GRB14: variants seen among roughly 807,000 people sequenced by gnomAD.
The protein encoded by GRB14 is growth factor receptor bound protein 14, also known as growth factor receptor-bound protein 14.
A neutral mutation model predicts 69.1 loss-of-function variants in GRB14; 38 were observed. The observed-to-expected ratio is 0.55, with a 90% CI of 0.42 to 0.72. The LOEUF (loss-of-function observed/expected upper bound fraction) is 0.72, where lower values mean the gene tolerates loss of function less well. Ranked by LOEUF, GRB14 falls within the 30% of genes least tolerant of loss-of-function variation. The pLI is 0.00. For missense variants in GRB14, 666 were observed against 666.1 expected, an observed-to-expected ratio of 1.00 and a Z score of 0.00; for synonymous variants, 247 against 241.3, an observed-to-expected ratio of 1.02 and a Z score of -0.22.
chr2:164,545,645 T>C (rs563209108), intron 3 of GRB14, among the ~76,000 whole-genome samples: 5 of 152,340 alleles, frequency 3.3e-5, no homozygotes, highest in African/African-American at 1.2e-4. Flanking sequence ...TCTGTTGCTT[T>C]AAGACGAGTT....
At chr2:164,580,134 G>A (rs546215371) in intron 2 of GRB14, among the ~76,000 whole-genome samples, 10 of 146,850 alleles carry the variant, frequency 6.8e-5, no homozygotes, top group East Asian at 2.1e-4. Context: ...TTGCTCTGTC[G>A]CCCAGGCTGG....
At chr2:164,495,128 G>A (rs1222997475) in intron 12 of GRB14, among the ~76,000 whole-genome samples, 2 of 152,010 alleles carry the variant, frequency 1.3e-5, no homozygotes, top group Non-Finnish European at 2.9e-5. Flanking sequence ...TTTTAGCAGA[G>A]ACAGGGTTTC....
intron 2 of GRB14, among the ~76,000 whole-genome samples, chr2:164,563,460 A>G (rs1194162243): frequency 2.6e-5 from 4 of 152,114 alleles, no homozygotes; most frequent in South Asian, 4.1e-4. Context: ...ACAAGATGTA[A>G]GCAGAAACTC....
chr2:164,531,548 A>G (rs1687937637), intron 3 of GRB14, among the ~76,000 whole-genome samples: 1 of 152,240 alleles, frequency 6.6e-6, no homozygotes, highest in Non-Finnish European at 1.5e-5. Flanking sequence ...GTGTCACAGT[A>G]GACTTTATCA....
chr2:164,606,884 A>G (rs1690055055), intron 2 of GRB14, among the ~76,000 whole-genome samples: 1 of 152,228 alleles, frequency 6.6e-6, no homozygotes, highest in African/African-American at 2.4e-5. Flanking sequence ...CCCAGGAATG[A>G]AAGTAATCTT....
At chr2:164,510,334 T>C (rs1170673028) in intron 6 of GRB14, among the ~76,000 whole-genome samples, 2 of 152,198 alleles carry the variant, frequency 1.3e-5, no homozygotes, top group African/African-American at 4.8e-5. Context: ...TATAAGGCTA[T>C]GAAGTTGAAC....
At chr2:164,620,766 C>G (rs1175686025) in intron 1 of GRB14, among the ~76,000 whole-genome samples, 1 of 152,082 alleles carries the variant, frequency 6.6e-6, no homozygotes, top group Non-Finnish European at 1.5e-5. Context: ...TACATTTATG[C>G]TACGATTTTT....
chr2:164,512,210 A>T (rs1687357487), intron 6 of GRB14, among the ~76,000 whole-genome samples: 1 of 152,166 alleles, frequency 6.6e-6, no homozygotes, highest in South Asian at 2.1e-4. Context: ...CTTGTTGCCC[A>T]GGCTGGAGGG....
At position 164,527,029 on chromosome 2, in the gene GRB14, G is replaced by T; in HGVS notation, c.588C>A (p.Phe196Leu). 1 of 1,595,528 alleles carries T rather than the reference G, an allele frequency of 6.3e-7. No homozygotes were observed. The highest frequency in any genetic ancestry group is 8.6e-7 in the Non-Finnish European group (1 of 1,167,878). ...TTTCACTTACCATTGGGTTTTTAAA[G>T]AACTCATATTTGGCATAATTTTTTC... is the stretch of plus-strand genomic sequence containing the variant. ...YFRKNYAKYE[F>L]FKNPMYFFPE... The change falls in exon 4 of 14, where the codon TTC becomes TTA. Residue 196 changes from phenylalanine (F) to leucine (L), a missense_variant. Physicochemically the swap from Phe to Leu is conservative, Grantham distance 22. Transcript: ENST00000263915.
intron 2 of GRB14, among the ~76,000 whole-genome samples, chr2:164,617,311 T>C (rs1690321187): frequency 6.6e-6 from 1 of 152,106 alleles, no homozygotes; most frequent in Non-Finnish European, 1.5e-5. Context: ...GGTGTGTGTG[T>C]GGGTACAGTG....
intron 3 of GRB14, among the ~76,000 whole-genome samples, chr2:164,546,452 A>G (rs1688377688): frequency 6.6e-6 from 1 of 152,200 alleles, no homozygotes; most frequent in Non-Finnish European, 1.5e-5. Flanking sequence ...CCAAAACCAA[A>G]TAAATAGCAC....
At chr2:164,618,098 C>G (rs1361125917) in intron 2 of GRB14, among the ~76,000 whole-genome samples, 1 of 152,020 alleles carries the variant, frequency 6.6e-6, no homozygotes, top group Non-Finnish European at 1.5e-5. Flanking sequence ...TCCCGAGTAG[C>G]TGGGACTACA....
At chr2:164,533,467 G>A (rs1216962446) in intron 3 of GRB14, among the ~76,000 whole-genome samples, 2 of 151,888 alleles carry the variant, frequency 1.3e-5, no homozygotes, top group African/African-American at 4.8e-5. Flanking sequence ...TGATCCGCCC[G>A]CCTCGGCCTC....
intron 3 of GRB14, among the ~76,000 whole-genome samples, chr2:164,540,604 G>A (rs1198449252): frequency 6.6e-6 from 1 of 151,892 alleles, no homozygotes; most frequent in Non-Finnish European, 1.5e-5. Context: ...GTGAGACTCG[G>A]TCTCTAAATA....
In GRB14 at chr2:164,621,096, C is replaced by G; in HGVS notation, c.191+23G>C. ...CCGGCTGCCCAGCCAGGACACTCCCCCGCGCCCTCCAGGGTTGCCTACCTG... is the reference window on the plus strand; with the variant it reads ...CCGGCTGCCCAGCCAGGACACTCCCGCGCGCCCTCCAGGGTTGCCTACCTG... On this transcript the variant is annotated intron_variant, in intron 1 of 13. Transcript: ENST00000263915. This position sits in a 1 kb window ranked among gnomAD's most constrained non-coding sequence, Gnocchi z 6.0. 1 of 1,245,952 alleles carries G rather than the reference C, an allele frequency of 8.0e-7. No individual in the cohort carries two copies. The highest frequency in any genetic ancestry group is 1.0e-6 in the Non-Finnish European group (1 of 988,284). 77.2% of individuals were successfully genotyped at this position (1,245,952 alleles called of 1,614,324 possible).
intron 2 of GRB14, among the ~76,000 whole-genome samples, chr2:164,611,696 C>T (rs553908315): frequency 1.3e-5 from 2 of 151,752 alleles, no homozygotes; most frequent in African/African-American, 4.8e-5. Context: ...TTTTCTGATT[C>T]TTCTTCTAAT....
chr2:164,566,576 C>G (rs528037127), intron 2 of GRB14, among the ~76,000 whole-genome samples: 1 of 152,118 alleles, frequency 6.6e-6, no homozygotes, highest in Non-Finnish European at 1.5e-5. Flanking sequence ...ATAACCACCG[C>G]TTTCCAGAGT....
At chr2:164,580,256 CTAATTTT>C (rs1344135510) in intron 2 of GRB14, among the ~76,000 whole-genome samples, 44 of 152,024 alleles carry the variant, frequency 2.9e-4, no homozygotes, top group Non-Finnish European at 5.6e-4. Context: ...CCACACCGGG[CTAATTTT>C]TGCATTTTTA....
intron 11 of GRB14, 36 bp downstream of exon 11, chr2:164,497,175 C>T (rs760049599): frequency 3.8e-6 from 6 of 1,598,618 alleles, no homozygotes; most frequent in Admixed American, 3.3e-5. Context: ...CATGTCTATC[C>T]GTCTACTCAG....
Sources: gnomAD v4.1 joint callset for allele counts (sites outside exome capture counted in the v4.1 genomes callset) on GRCh38, gnomAD v4.1.1 for gene constraint, Gnocchi (gnomAD v3.1) non-coding constraint, MANE v1.5 for transcripts, NCBI Gene and HGNC (gene_info 2026-07-23, HGNC 2026-07-21) for gene names.